The following MYLK4 variants were observed in gnomAD, a reference collection of about 807,000 sequenced individuals.
MYLK4 encodes the protein caMLCK like.
MYLK4 carries 46 observed loss-of-function variants against 48.1 expected under a neutral mutation model. The observed-to-expected ratio is 0.96, with a 90% CI of 0.75 to 1.22. The LOEUF is 1.22. Among genes scored for constraint, MYLK4 ranks in the 50% most tolerant of loss-of-function variants. MYLK4 has a pLI of 0.00. For synonymous variants in MYLK4, 170 were observed against 180.8 expected, an observed-to-expected ratio of 0.94 and a Z score of 0.48; for missense variants, 451 against 486.1, an observed-to-expected ratio of 0.93 and a Z score of 0.68.
chr6:2,688,248 G>A (rs1446995467), intron 4 of MYLK4, among the ~76,000 whole-genome samples: 2 of 152,016 alleles, frequency 1.3e-5, no homozygotes, highest in African/African-American at 2.4e-5. Flanking sequence ...TAATAGAGAC[G>A]GGGTTTCACC....
At position 2,666,128 on chromosome 6, in the gene MYLK4, G is replaced by A. The variant is rs1240770157; in HGVS notation, c.*1797C>T. ...TCGCATGTGGCCTTCACCAAATCAC[G>A]TATTTCCTTCTATCTCTACTTCCTC... is the stretch of plus-strand genomic sequence containing the variant. On this transcript the variant is annotated 3_prime_UTR_variant, in exon 13 of 13. Coordinates refer to ENST00000274643, the MANE Select transcript of MYLK4 (RefSeq NM_001012418.5). The A allele has an allele frequency of 6.6e-6, 1 of 152,124 alleles. No homozygotes were observed. Among genetic ancestry groups the A allele is most frequent in the Admixed American group, 6.6e-5 (1 of 15,264 alleles). The allele number at this position is 152,124 out of a possible 1,614,324, so 9.4% of individuals were successfully genotyped here.
At chr6:2,701,598 A>G (rs1464370787) in intron 2 of MYLK4, among the ~76,000 whole-genome samples, 1 of 152,246 alleles carries the variant, frequency 6.6e-6, no homozygotes, top group African/African-American at 2.4e-5. Context: ...AAGCTCTTCA[A>G]AAATGTCTCT....
intron 2 of MYLK4, among the ~76,000 whole-genome samples, chr6:2,744,977 T>C (rs1445651942): frequency 6.6e-6 from 1 of 152,208 alleles, no homozygotes. Flanking sequence ...ACAACCTGTG[T>C]CCTACTTTTA....
chr6:2,733,776 C>T (rs890201950), intron 2 of MYLK4, among the ~76,000 whole-genome samples: 9 of 152,116 alleles, frequency 5.9e-5, no homozygotes, highest in Admixed American at 1.3e-4. Flanking sequence ...TTCAACAGCA[C>T]GAACCACACT....
intron 2 of MYLK4, among the ~76,000 whole-genome samples, chr6:2,746,109 A>AC (rs1238616652): frequency 2.6e-4 from 6 of 23,080 alleles, no homozygotes; most frequent in Non-Finnish European, 6.7e-4. Context: ...AAAAAAATAT[A>AC]AAAAAAAATG....
intron 10 of MYLK4, among the ~76,000 whole-genome samples, chr6:2,676,057 A>C (rs1285431555): frequency 6.6e-6 from 1 of 150,976 alleles, no homozygotes; most frequent in Non-Finnish European, 1.5e-5. Context: ...GTGCCATTGC[A>C]CACCAGCCTA....
rs370615309 is a variant in MYLK4 at position 2,685,789 on chromosome 6, G to A, written c.342-213C>T. Among the ~76,000 whole-genome samples the A allele has an allele frequency of 2.0e-4, 31 of 152,226 alleles. No homozygotes were observed. Among genetic ancestry groups the A allele is most frequent in the East Asian group, 1.5e-3 (8 of 5,170 alleles). On this transcript the variant is annotated intron_variant, in intron 4 of 12. Coordinates refer to ENST00000274643, the MANE Select transcript of MYLK4 (RefSeq NM_001012418.5). The surrounding 1 kb of genome is among the most constrained non-coding windows in gnomAD (Gnocchi z 4.5). ...GGGAGCTGTTAAGAAAGCAGGTCTC[G>A]GCCGGGCACGGTGGCTCACACCTGT...
chr6:2,709,335 C>G (rs1207657878), intron 2 of MYLK4, among the ~76,000 whole-genome samples: 1 of 152,200 alleles, frequency 6.6e-6, no homozygotes, highest in African/African-American at 2.4e-5. Context: ...TATTAGCTTG[C>G]CTTCCCGTTG....
the MYLK4 span, among the ~76,000 whole-genome samples, chr6:2,766,968 T>G: frequency 6.6e-6 from 1 of 152,262 alleles, no homozygotes; most frequent in African/African-American, 2.4e-5. Context: ...TATTTAACAT[T>G]CTTATATTCT....
At position 2,671,333 on chromosome 6, in the gene MYLK4, C is replaced by A; in HGVS notation, c.1135G>T (p.Gly379Cys). 6.2e-7 allele frequency: 1 copy of A among 1,614,054 alleles called. No individual in the cohort carries two copies. Among genetic ancestry groups the A allele is most frequent in the Non-Finnish European group, 8.5e-7 (1 of 1,179,984 alleles). ...RLNAQKKKNR[G>C]SDAQDFVTK The stretch of plus-strand genomic sequence containing the variant: ...GTCACAAAGTCCTGGGCATCAGAGC[C>A]ACGATTCTTCTTCTTCTAGGGAAAG... The change falls in exon 12 of 13, where the codon GGC becomes TGC. Residue 379 changes from glycine to cysteine, a missense_variant. Gly to Cys is a radical substitution (Grantham distance 159). Transcript: ENST00000274643.
chr6:2,763,991 G>A, the MYLK4 span, among the ~76,000 whole-genome samples: 3 of 152,204 alleles, frequency 2.0e-5, no homozygotes, highest in African/African-American at 2.4e-5. Context: ...AATTACCTGG[G>A]TGTGGTGGCG....
the MYLK4 span, among the ~76,000 whole-genome samples, chr6:2,762,904 A>C: frequency 6.6e-6 from 1 of 152,190 alleles, no homozygotes; most frequent in African/African-American, 2.4e-5. Flanking sequence ...ATAAAGCTAC[A>C]AGTCTCCACA....
At chr6:2,707,913 A>C (rs984362031) in intron 2 of MYLK4, among the ~76,000 whole-genome samples, 3 of 152,148 alleles carry the variant, frequency 2.0e-5, no homozygotes, top group Non-Finnish European at 4.4e-5. Flanking sequence ...TTTTAGTGAA[A>C]TAGCATACCA....
the MYLK4 span, chr6:2,765,548 G>A: frequency 2.9e-6 from 4 of 1,359,704 alleles, no homozygotes; most frequent in South Asian, 3.4e-5. Context: ...GGGGCCTAGC[G>A]GAGGGCATCG....
chr6:2,675,551 A>G (rs1033321508), intron 10 of MYLK4, among the ~76,000 whole-genome samples: 3 of 152,226 alleles, frequency 2.0e-5, no homozygotes, highest in Non-Finnish European at 4.4e-5. Context: ...AATAAATATT[A>G]CTAACTTTTG....
the MYLK4 span, chr6:2,766,313 A>T: frequency 1.2e-6 from 2 of 1,610,118 alleles, no homozygotes; most frequent in Non-Finnish European, 1.7e-6. Flanking sequence ...GGCCGACACG[A>T]TGCGTCCTGA....
chr6:2,750,515 T>C (rs1029434011), intron 1 of MYLK4, among the ~76,000 whole-genome samples: 3 of 152,172 alleles, frequency 2.0e-5, no homozygotes, highest in African/African-American at 7.2e-5. Flanking sequence ...AAACTACGAC[T>C]AAAATACTAT....
chr6:2,717,619 T>C (rs935377730), intron 2 of MYLK4, among the ~76,000 whole-genome samples: 1 of 152,244 alleles, frequency 6.6e-6, no homozygotes, highest in Admixed American at 6.5e-5. Flanking sequence ...ATGTTTGAGA[T>C]AGTGCACTAA....
intron 2 of MYLK4, among the ~76,000 whole-genome samples, chr6:2,742,634 C>T (rs913646281): frequency 1.6e-4 from 24 of 148,908 alleles, no homozygotes; most frequent in Non-Finnish European, 2.7e-4. Context: ...AACCGAACAC[C>T]GCATGTTCTC....
Sources: gnomAD v4.1 joint callset for allele counts (sites outside exome capture counted in the v4.1 genomes callset) on GRCh38, gnomAD v4.1.1 for gene constraint, Gnocchi (gnomAD v3.1) non-coding constraint, MANE v1.5 for transcripts, NCBI Gene and HGNC (gene_info 2026-07-23, HGNC 2026-07-21) for gene names.